The following FAF1 variants were observed in gnomAD, a reference collection of about 807,000 sequenced individuals.
FAF1 encodes the protein FAS-associated factor 1.
A neutral mutation model predicts 92.5 loss-of-function variants in FAF1; 25 were observed. The observed-to-expected ratio is 0.27, with a 90% CI of 0.20 to 0.38. The LOEUF (loss-of-function observed/expected upper bound fraction) is 0.38, where lower values mean the gene tolerates loss of function less well. Among genes scored for constraint, FAF1 ranks in the 10% least tolerant of loss-of-function variants. FAF1 has a pLI of 1.00. For synonymous variants in FAF1, 234 were observed against 273.2 expected (o/e 0.86, Z 1.42); for missense variants, 636 against 793.3 (o/e 0.80, Z 2.38).
At chr1:50,658,966 G>C (rs533098274) in intron 7 of FAF1, among the ~76,000 whole-genome samples, 33 of 152,262 alleles carry the variant, frequency 2.2e-4, no homozygotes, top group African/African-American at 7.7e-4. Flanking sequence ...AGCATCAAAA[G>C]AGTGGGGATT....
intron 15 of FAF1, among the ~76,000 whole-genome samples, chr1:50,516,259 C>G (rs1647218817): frequency 6.6e-6 from 1 of 152,186 alleles, no homozygotes. Flanking sequence ...CAAACCCTAT[C>G]TCTCTTTAGA....
At chr1:50,707,487 T>G (rs897778515) in intron 6 of FAF1, among the ~76,000 whole-genome samples, 1 of 152,054 alleles carries the variant, frequency 6.6e-6, no homozygotes, top group Non-Finnish European at 1.5e-5. Flanking sequence ...TTGCCTGGAC[T>G]CAGGAGTTCG....
intron 7 of FAF1, among the ~76,000 whole-genome samples, chr1:50,670,997 G>A (rs1455300095): frequency 6.6e-6 from 1 of 152,050 alleles, no homozygotes; most frequent in Non-Finnish European, 1.5e-5. Flanking sequence ...TTTCAAAATT[G>A]AAGGGAGATA....
At chr1:50,869,724 T>C (rs137982755) in intron 1 of FAF1, among the ~76,000 whole-genome samples, 1 of 152,160 alleles carries the variant, frequency 6.6e-6, no homozygotes, top group East Asian at 1.9e-4. Flanking sequence ...TAGTATAGAG[T>C]TTTTTCTTTG....
chr1:50,924,727 A>G (rs1171833036), intron 1 of FAF1, among the ~76,000 whole-genome samples: 1 of 152,204 alleles, frequency 6.6e-6, no homozygotes, highest in South Asian at 2.1e-4. Flanking sequence ...TCACGCCTGT[A>G]AACCCAGCAC....
chr1:50,882,847 A>T (rs1279458110), intron 1 of FAF1, among the ~76,000 whole-genome samples: 1 of 151,814 alleles, frequency 6.6e-6, no homozygotes, highest in African/African-American at 2.4e-5. Context: ...TTAGCTGGGC[A>T]TGGTGGCAGG....
At chr1:50,669,051 G>C (rs1354833679) in intron 7 of FAF1, among the ~76,000 whole-genome samples, 1 of 152,142 alleles carries the variant, frequency 6.6e-6, no homozygotes, top group African/African-American at 2.4e-5. Context: ...GCTACACACA[G>C]TATACCCCTA....
intron 1 of FAF1, among the ~76,000 whole-genome samples, chr1:50,920,711 A>G (rs1644955657): frequency 6.6e-6 from 1 of 152,242 alleles, no homozygotes; most frequent in African/African-American, 2.4e-5. Context: ...AAAAATTAAT[A>G]AACATTCATA....
At chr1:50,490,253 G>A (rs190634503) in intron 17 of FAF1, among the ~76,000 whole-genome samples, 11 of 152,134 alleles carry the variant, frequency 7.2e-5, no homozygotes, top group Middle Eastern at 6.8e-3. Context: ...CCAGCTACTT[G>A]GGAGGCTGAG....
intron 8 of FAF1, among the ~76,000 whole-genome samples, chr1:50,639,228 T>A (rs964458229): frequency 3.9e-5 from 6 of 152,256 alleles, no homozygotes; most frequent in Non-Finnish European, 8.8e-5. Flanking sequence ...ATCTGGGTTT[T>A]GTCTACTATA....
intron 13 of FAF1, among the ~76,000 whole-genome samples, chr1:50,544,112 C>T (rs1182558356): frequency 2.6e-5 from 4 of 152,058 alleles, no homozygotes; most frequent in Non-Finnish European, 5.9e-5. Flanking sequence ...AGGCATCTCC[C>T]ATTAGGCTCC....
chr1:50,540,633 T>C (rs1037060822), intron 13 of FAF1, among the ~76,000 whole-genome samples: 9 of 152,214 alleles, frequency 5.9e-5, no homozygotes, highest in African/African-American at 2.2e-4. Context: ...CTGATAAAGC[T>C]TTTCTCTTCT....
chr1:50,827,632 TAAAAAATA>T (rs1261067252), intron 2 of FAF1, among the ~76,000 whole-genome samples: 3 of 151,014 alleles, frequency 2.0e-5, no homozygotes, highest in African/African-American at 7.4e-5. Context: ...CAATAAATAC[TAAAAAATA>T]AATAAATAAA....
chr1:50,644,534 G>C (rs1032716667), intron 8 of FAF1, among the ~76,000 whole-genome samples: 1 of 152,168 alleles, frequency 6.6e-6, no homozygotes. Context: ...AGTCTGCTTT[G>C]CAAAATATAG....
At chr1:50,861,273 G>C (rs879704773) in intron 1 of FAF1, among the ~76,000 whole-genome samples, 5 of 151,860 alleles carry the variant, frequency 3.3e-5, no homozygotes, top group Admixed American at 3.3e-4. Flanking sequence ...GCTATGGATT[G>C]AATATCTGTA....
intron 8 of FAF1, among the ~76,000 whole-genome samples, chr1:50,614,363 T>A (rs1652811415): frequency 6.6e-6 from 1 of 152,076 alleles, no homozygotes; most frequent in Non-Finnish European, 1.5e-5. Context: ...AAAAACTAGT[T>A]TACCTGTAAC....
At chr1:50,768,883 T>G (rs1660675680) in intron 4 of FAF1, among the ~76,000 whole-genome samples, 1 of 151,508 alleles carries the variant, frequency 6.6e-6, no homozygotes, top group South Asian at 2.1e-4. Context: ...CTAGAGGAAC[T>G]AAAGAAACAA....
chr1:50,939,809 T>A (rs1466822727), intron 1 of FAF1, among the ~76,000 whole-genome samples: 1 of 152,258 alleles, frequency 6.6e-6, no homozygotes, highest in Non-Finnish European at 1.5e-5. Context: ...TAATTCTGTT[T>A]ATGTGGTGAA....
intron 14 of FAF1, among the ~76,000 whole-genome samples, chr1:50,538,137 T>G (rs1648579566): frequency 1.3e-5 from 2 of 151,980 alleles, no homozygotes; most frequent in Admixed American, 6.6e-5. Flanking sequence ...AGAAAACATC[T>G]TGGCAACTAC....
Sources: allele counts gnomAD v4.1 joint callset (sites outside exome capture counted in the v4.1 genomes callset), GRCh38; gene constraint gnomAD v4.1.1; transcripts MANE v1.5; gene names NCBI Gene and HGNC (gene_info 2026-07-23, HGNC 2026-07-21).